Variants in RPS6KA5 observed in about 807,000 individuals in gnomAD.
RPS6KA5 encodes the protein ribosomal protein S6 kinase A5, also known as ribosomal protein S6 kinase alpha-5.
In RPS6KA5, 27 loss-of-function variants were observed where a neutral mutation model predicts 85.5. The observed-to-expected ratio is 0.32, with a 90% confidence interval of 0.23 to 0.44. The LOEUF (loss-of-function observed/expected upper bound fraction) is 0.44. Among genes scored for constraint, RPS6KA5 ranks in the 20% least tolerant of loss-of-function variants. The pLI, the probability that RPS6KA5 is intolerant of heterozygous loss-of-function variation, is 1.00. For missense variants in RPS6KA5, 811 were observed against 980.9 expected, an observed-to-expected ratio of 0.83 and a Z score of 2.31; for synonymous variants, 334 against 348.2, an observed-to-expected ratio of 0.96 and a Z score of 0.46.
chr14:90,965,243 G>T (rs772755045), intron 3 of RPS6KA5, among the ~76,000 whole-genome samples: 2 of 152,062 alleles, frequency 1.3e-5, no homozygotes, highest in Non-Finnish European at 2.9e-5. Context: ...AAATCAGCTG[G>T]GCGTGGTGAT....
intron 2 of RPS6KA5, among the ~76,000 whole-genome samples, chr14:90,990,235 C>T (rs1342931947): frequency 3.3e-5 from 5 of 152,138 alleles, no homozygotes; most frequent in South Asian, 2.1e-4. Context: ...ATAGATCCTT[C>T]TCAAAAGAAA....
At chr14:90,923,390 T>A (rs990782588) in intron 5 of RPS6KA5, among the ~76,000 whole-genome samples, 194 bp from the exon 6 acceptor site, 1 of 152,112 alleles carries the variant, frequency 6.6e-6, no homozygotes, top group Non-Finnish European at 1.5e-5. Flanking sequence ...TGTCATCCCA[T>A]CCCATCAGAA....
At chr14:91,009,476 C>T (rs1339115766) in intron 1 of RPS6KA5, among the ~76,000 whole-genome samples, 1 of 152,188 alleles carries the variant, frequency 6.6e-6, no homozygotes, top group Non-Finnish European at 1.5e-5. Flanking sequence ...GTCTCAAACT[C>T]CTGGCTCATG....
chr14:90,855,967 C>T lies in RPS6KA5; in HGVS notation c.*16107G>A, dbSNP rs1447325833. 6.6e-6 allele frequency: 1 copy of T among 152,248 alleles called. No individual in the cohort carries two copies. The highest frequency in any genetic ancestry group is 1.9e-4 in the East Asian group (1 of 5,184). The allele number at this position is 152,248 out of a possible 1,614,324, so 9.4% of individuals were successfully genotyped here. A position where few individuals can be genotyped will look rare whatever the true frequency, so the allele number is the denominator to read the frequency against. On this transcript the variant is annotated 3_prime_UTR_variant, in exon 17 of 17. Coordinates refer to ENST00000614987, the MANE Select transcript of RPS6KA5 (RefSeq NM_004755.4). Reference sequence around the variant, plus strand: ...TCACGTGATCCACCCGCCTTGGCCTCCCAAAAGGCCGGTGCTCCCATTATT... The same window carrying T: ...TCACGTGATCCACCCGCCTTGGCCTTCCAAAAGGCCGGTGCTCCCATTATT...
At chr14:90,966,709 A>G (rs1040682948) in intron 3 of RPS6KA5, among the ~76,000 whole-genome samples, 1 of 152,264 alleles carries the variant, frequency 6.6e-6, no homozygotes, top group Non-Finnish European at 1.5e-5. Context: ...CACAGGGTCT[A>G]GCCCTATCGA....
intron 1 of RPS6KA5, among the ~76,000 whole-genome samples, chr14:91,033,003 G>A (rs998232520): frequency 6.6e-6 from 1 of 151,836 alleles, no homozygotes; most frequent in Non-Finnish European, 1.5e-5. Flanking sequence ...GGCTAATACG[G>A]TGAAACTCCG....
chr14:90,996,634 A>G (rs1345280464), intron 2 of RPS6KA5, among the ~76,000 whole-genome samples: 1 of 152,156 alleles, frequency 6.6e-6, no homozygotes, highest in Non-Finnish European at 1.5e-5. Flanking sequence ...AATCAAAAGT[A>G]TATAAACAGT....
rs1185716733 is a variant in RPS6KA5, at chr14:91,022,994, A to G, written c.104-21835T>C. On this transcript the variant is annotated intron_variant, in intron 1 of 16. Transcript: ENST00000614987. The stretch of plus-strand genomic sequence containing the variant: ...CAGCTACTCAGGAGGCTGGGGCAGG[A>G]GAATCACTTGAACCGAGGAGGCGGA... 4.7e-5 allele frequency among the ~76,000 whole-genome samples: 7 copies of G among 150,476 alleles called. No individual in the cohort carries two copies. The East Asian group carries it at 1.4e-3, about 30-fold the overall frequency.
intron 3 of RPS6KA5, among the ~76,000 whole-genome samples, chr14:90,963,873 T>C (rs1016509890): frequency 6.6e-6 from 1 of 152,156 alleles, no homozygotes; most frequent in Non-Finnish European, 1.5e-5. Context: ...AGTAGATTAT[T>C]TGGCTTGGCT....
chr14:90,960,193 C>T lies in RPS6KA5; in HGVS notation c.395-12643G>A, dbSNP rs538015312. ...TCATTTCAACAAGAGCTCTGACTACCGAGAATGTGCTAAAACTGCATCTCT... is the reference window on the plus strand; with the variant it reads ...TCATTTCAACAAGAGCTCTGACTACTGAGAATGTGCTAAAACTGCATCTCT... On this transcript the variant is annotated intron_variant, in intron 3 of 16. Coordinates refer to ENST00000614987, the MANE Select transcript of RPS6KA5 (RefSeq NM_004755.4). Among the ~76,000 whole-genome samples, 6 of 152,034 alleles carry T rather than the reference C, an allele frequency of 3.9e-5. No individual in the cohort carries two copies. The South Asian group carries it at 8.3e-4, about 21-fold the overall frequency.
At chr14:90,906,972 C>T (rs1343559989) in intron 7 of RPS6KA5, among the ~76,000 whole-genome samples, 3 of 152,148 alleles carry the variant, frequency 2.0e-5, no homozygotes, top group Non-Finnish European at 2.9e-5. Flanking sequence ...GAGTAAAATC[C>T]ACAATTTATT....
intron 12 of RPS6KA5, 117 bp downstream of exon 12, chr14:90,899,212 T>G (rs2035012814): frequency 1.5e-6 from 1 of 664,690 alleles, no homozygotes. Flanking sequence ...TTCTGGTGGC[T>G]GGGTGATGTT....
chr14:91,030,901 A>G (rs2042164357), intron 1 of RPS6KA5, among the ~76,000 whole-genome samples: 1 of 152,106 alleles, frequency 6.6e-6, no homozygotes, highest in Admixed American at 6.6e-5. Flanking sequence ...GGAGATTAAA[A>G]AAATTTAAAA....
At chr14:90,958,731 T>A (rs1417562224) in intron 3 of RPS6KA5, among the ~76,000 whole-genome samples, 1 of 151,814 alleles carries the variant, frequency 6.6e-6, no homozygotes, top group Non-Finnish European at 1.5e-5. Context: ...CAGACAAAAA[T>A]CTCCAACCTA....
chr14:90,976,202 GAAAAAAAA>G (rs5810526), intron 3 of RPS6KA5, among the ~76,000 whole-genome samples: 1 of 109,068 alleles, frequency 9.2e-6, no homozygotes, highest in African/African-American at 3.3e-5. Flanking sequence ...TAAGAGAACA[GAAAAAAAA>G]AAAAAAAAAA....
At chr14:90,997,357 T>C (rs1355143720) in intron 2 of RPS6KA5, among the ~76,000 whole-genome samples, 1 of 152,208 alleles carries the variant, frequency 6.6e-6, no homozygotes, top group East Asian at 1.9e-4. Flanking sequence ...TGTACATGAA[T>C]GTTCATAGCA....
intron 14 of RPS6KA5, among the ~76,000 whole-genome samples, chr14:90,889,969 T>C (rs1409502373): frequency 6.6e-6 from 1 of 152,242 alleles, no homozygotes; most frequent in Non-Finnish European, 1.5e-5. Context: ...AAGATTTTTC[T>C]AGCTTAACGT....
At chr14:90,894,253 TA>T in intron 13 of RPS6KA5, 159 bp downstream of exon 13, 1 of 1,253,554 alleles carries the variant, frequency 8.0e-7, no homozygotes. Flanking sequence ...GACTGAAATA[TA>T]AAAGAAAAAA....
chr14:90,945,156 G>A (rs573694288), intron 4 of RPS6KA5, among the ~76,000 whole-genome samples: 1 of 151,106 alleles, frequency 6.6e-6, no homozygotes, highest in Non-Finnish European at 1.5e-5. Flanking sequence ...GGAGGCTGAG[G>A]TAGGAGGATC....
Sources: gnomAD v4.1 joint callset for allele counts (sites outside exome capture counted in the v4.1 genomes callset) on GRCh38, gnomAD v4.1.1 for gene constraint, MANE v1.5 for transcripts, NCBI Gene and HGNC (gene_info 2026-07-23, HGNC 2026-07-21) for gene names.